LRMDA: variants seen among roughly 807,000 people sequenced by gnomAD.
LRMDA encodes leucine-rich melanocyte differentiation-associated protein.
LRMDA carries 18 observed loss-of-function variants against 29.8 expected under a neutral mutation model. The observed-to-expected ratio is 0.60, with a 90% CI of 0.42 to 0.90. The LOEUF (loss-of-function observed/expected upper bound fraction) is 0.90, where lower values mean the gene tolerates loss of function less well. LRMDA is among the 40% of genes least tolerant of loss of function. The pLI is 0.00. For synonymous variants in LRMDA, 125 were observed against 109.4 expected, an observed-to-expected ratio of 1.14 and a Z score of -0.89; for missense variants, 273 against 273.9, an observed-to-expected ratio of 1.00 and a Z score of 0.02.
chr10:75,672,526 C>CCT (rs1564536245), intron 2 of LRMDA, among the ~76,000 whole-genome samples: 86 of 1,108 alleles, frequency 0.078, 17 homozygotes, highest in African/African-American at 0.19. Flanking sequence ...TTTTCTTTTC[C>CCT]TCCCCTCCCC....
At chr10:76,303,347 T>G (rs1450407454) in intron 5 of LRMDA, among the ~76,000 whole-genome samples, 1 of 151,954 alleles carries the variant, frequency 6.6e-6, no homozygotes, top group Non-Finnish European at 1.5e-5. Flanking sequence ...AACACCTGAC[T>G]GCGTCAAAAA....
intron 2 of LRMDA, among the ~76,000 whole-genome samples, chr10:75,806,953 G>T (rs1048685093): frequency 6.6e-6 from 1 of 151,930 alleles, no homozygotes; most frequent in Non-Finnish European, 1.5e-5. Flanking sequence ...GGTACTTCCC[G>T]CTGGCAGAGG....
chr10:76,198,629 G>A (rs538587409), intron 5 of LRMDA, among the ~76,000 whole-genome samples: 1 of 152,300 alleles, frequency 6.6e-6, no homozygotes, highest in African/African-American at 2.4e-5. Context: ...ATAACAAAGC[G>A]ATATTACTCT....
At chr10:76,293,853 C>T (rs891752065) in intron 5 of LRMDA, among the ~76,000 whole-genome samples, 1 of 152,202 alleles carries the variant, frequency 6.6e-6, no homozygotes, top group Non-Finnish European at 1.5e-5. Context: ...TGTTTACTCT[C>T]TGGTTTGTTG....
intron 2 of LRMDA, among the ~76,000 whole-genome samples, chr10:75,902,164 C>G (rs1207792191): frequency 6.6e-6 from 1 of 152,208 alleles, no homozygotes; most frequent in African/African-American, 2.4e-5. Context: ...CCACCAATGG[C>G]TGCTCTTTGG....
intron 3 of LRMDA, among the ~76,000 whole-genome samples, chr10:76,036,730 C>A (rs1848253804): frequency 6.6e-6 from 1 of 152,088 alleles, no homozygotes; most frequent in Non-Finnish European, 1.5e-5. Context: ...ATGGCCTCCT[C>A]TATGGAGGCA....
At chr10:75,593,146 T>TC (rs1840744643) in intron 2 of LRMDA, among the ~76,000 whole-genome samples, 1 of 152,102 alleles carries the variant, frequency 6.6e-6, no homozygotes, top group South Asian at 2.1e-4. Context: ...GCTCATTCCC[T>TC]CCCCCATCCC....
chr10:75,965,330 G>A (rs1156837475), intron 2 of LRMDA, among the ~76,000 whole-genome samples: 2 of 152,168 alleles, frequency 1.3e-5, no homozygotes, highest in Non-Finnish European at 2.9e-5. Context: ...ATTACCTGTT[G>A]CATAAACTAG....
chr10:75,643,995 T>C (rs1036526544), intron 2 of LRMDA, among the ~76,000 whole-genome samples: 1 of 152,212 alleles, frequency 6.6e-6, no homozygotes, highest in Non-Finnish European at 1.5e-5. Flanking sequence ...TGTGAATATC[T>C]CATCATGATT....
At chr10:76,047,341 A>T in intron 4 of LRMDA, 38 bp downstream of exon 4, 1 of 1,561,080 alleles carries the variant, frequency 6.4e-7, no homozygotes, top group Non-Finnish European at 8.7e-7. Context: ...GGGAAAAGGG[A>T]AAAAGAGAAA....
intron 6 of LRMDA, among the ~76,000 whole-genome samples, chr10:76,367,285 G>T (rs2132453312): frequency 6.6e-6 from 1 of 152,226 alleles, no homozygotes; most frequent in South Asian, 2.1e-4. Context: ...ATTTGAGAGG[G>T]TTCCTTCTTT....
chr10:75,440,729 T>TTA (rs768846275), intron 2 of LRMDA, among the ~76,000 whole-genome samples: 3 of 152,134 alleles, frequency 2.0e-5, no homozygotes, highest in Non-Finnish European at 1.5e-5. Flanking sequence ...CTTAGCTAAT[T>TTA]CCTCTTAAAA....
intron 5 of LRMDA, among the ~76,000 whole-genome samples, chr10:76,312,162 C>G (rs1031091859): frequency 1.3e-5 from 2 of 152,280 alleles, no homozygotes; most frequent in East Asian, 1.9e-4. Flanking sequence ...TGGATTATAT[C>G]AGAGTTTCCT....
intron 2 of LRMDA, among the ~76,000 whole-genome samples, chr10:75,778,159 C>T (rs1321748181): frequency 6.6e-6 from 1 of 152,098 alleles, no homozygotes; most frequent in East Asian, 1.9e-4. Flanking sequence ...CTCACTGCAA[C>T]CTCTGCCTCC....
intron 2 of LRMDA, among the ~76,000 whole-genome samples, chr10:76,017,498 A>T (rs542726992): frequency 6.6e-6 from 1 of 152,190 alleles, no homozygotes; most frequent in African/African-American, 2.4e-5. Flanking sequence ...TTCACAGGAG[A>T]TGTTTCTGGC....
intron 6 of LRMDA, among the ~76,000 whole-genome samples, chr10:76,541,596 G>A (rs1843356434): frequency 6.6e-6 from 1 of 152,012 alleles, no homozygotes; most frequent in African/African-American, 2.4e-5. Flanking sequence ...TGTTTCCAGG[G>A]GTAAGAAGAT....
intron 5 of LRMDA, among the ~76,000 whole-genome samples, chr10:76,196,498 T>C (rs1467433243): frequency 6.6e-6 from 1 of 152,178 alleles, no homozygotes; most frequent in Non-Finnish European, 1.5e-5. Context: ...CCAAATCTGC[T>C]CCTTCTGCAG....
In LRMDA at chr10:76,083,627, G is replaced by A. The variant is rs548503917; in HGVS notation, c.516+24844G>A. ...GTGGATCACCTGAGATCAGGAGTTC[G>A]AGACCAGCCTGGCCAACATGGTGAA... On this transcript the variant is annotated intron_variant, in intron 5 of 6. Coordinates refer to ENST00000611255, the MANE Select transcript of LRMDA (RefSeq NM_001305581.2). 3.7e-4 allele frequency among the ~76,000 whole-genome samples: 56 copies of A among 152,162 alleles called. 2 individuals are homozygous for A. The highest frequency in any genetic ancestry group is 3.5e-3 in the Admixed American group (53 of 15,282).
chr10:76,553,916 C>T (rs934294656), intron 6 of LRMDA, among the ~76,000 whole-genome samples: 9 of 152,294 alleles, frequency 5.9e-5, no homozygotes, highest in African/African-American at 1.9e-4. Context: ...TGGAGCAGCC[C>T]ACAGACTGAG....
Sources: allele counts gnomAD v4.1 joint callset (sites outside exome capture counted in the v4.1 genomes callset), GRCh38; gene constraint gnomAD v4.1.1; transcripts MANE v1.5; gene names NCBI Gene and HGNC (gene_info 2026-07-23, HGNC 2026-07-21).